ARHGAP17: variants seen among roughly 807,000 people sequenced by gnomAD.
The protein encoded by ARHGAP17 is rho GTPase-activating protein 17.
A neutral mutation model predicts 99.5 loss-of-function variants in ARHGAP17; 57 were observed. The ratio of observed to expected loss-of-function variants is 0.57; its 90% CI spans 0.46 to 0.71. The LOEUF (loss-of-function observed/expected upper bound fraction) is 0.71. Among genes scored for constraint, ARHGAP17 ranks in the 30% least tolerant of loss-of-function variants. The pLI, the probability that ARHGAP17 is intolerant of heterozygous loss-of-function variation, is 0.00. For missense variants in ARHGAP17, 1,000 were observed against 1,122.4 expected, an observed-to-expected ratio of 0.89 and a Z score of 1.56; for synonymous variants, 417 against 429.6, an observed-to-expected ratio of 0.97 and a Z score of 0.36.
intron 11 of ARHGAP17, 97 bp downstream of exon 11, chr16:24,952,834 G>T: frequency 8.7e-7 from 1 of 1,152,894 alleles, no homozygotes; most frequent in Non-Finnish European, 1.3e-6. Flanking sequence ...ACTTAAACCT[G>T]TAACTGAAAT....
chr16:24,924,480 C>T (rs1043706089), intron 19 of ARHGAP17, among the ~76,000 whole-genome samples: 2 of 147,750 alleles, frequency 1.4e-5, no homozygotes, highest in Non-Finnish European at 3.0e-5. Context: ...ACTGTATGAA[C>T]TTAGTTCCAA....
At chr16:24,970,706 T>C in intron 3 of ARHGAP17, 126 bp from the exon 4 acceptor site, 1 of 819,192 alleles carries the variant, frequency 1.2e-6, no homozygotes, top group Middle Eastern at 3.5e-4. Flanking sequence ...ACAGCCTGTC[T>C]GGGTTCAGGT....
chr16:24,974,885 G>T (rs971317838), intron 3 of ARHGAP17, among the ~76,000 whole-genome samples: 14 of 152,198 alleles, frequency 9.2e-5, no homozygotes, highest in African/African-American at 2.7e-4. Context: ...AGTAGCTCAT[G>T]CCTGTAATCC....
chr16:24,929,343 G>A (rs938940140), intron 19 of ARHGAP17, among the ~76,000 whole-genome samples: 2 of 152,076 alleles, frequency 1.3e-5, no homozygotes, highest in African/African-American at 2.4e-5. Context: ...TAAGAAAGAA[G>A]ATACTCTTCA....
chr16:24,965,222 G>A (rs1358245035), intron 6 of ARHGAP17, among the ~76,000 whole-genome samples: 5 of 152,138 alleles, frequency 3.3e-5, no homozygotes, highest in African/African-American at 9.7e-5. Context: ...TGTAATCCCA[G>A]CACTTTGGGA....
Position 25,015,205 on chromosome 16 carries a change from T to C in ARHGAP17, c.53+4A>G. Reference sequence around the variant, plus strand: ...GCGACCCCCGTGCTGCCCGGCGCACTCGCCTGCCCACGGTCTGGTTAGCCA... The same window carrying C: ...GCGACCCCCGTGCTGCCCGGCGCACCCGCCTGCCCACGGTCTGGTTAGCCA... On this transcript the variant is annotated splice_donor_region_variant and intron_variant, in intron 1 of 19. Transcript: ENST00000289968. The C allele has an allele frequency of 1.5e-6, 2 of 1,320,278 alleles. No homozygotes were observed. 81.8% of individuals were successfully genotyped at this position (1,320,278 alleles called of 1,614,324 possible). A position where few individuals can be genotyped will look rare whatever the true frequency, so the allele number is the denominator to read the frequency against.
intron 19 of ARHGAP17, among the ~76,000 whole-genome samples, chr16:24,923,169 G>C (rs928738657): frequency 2.0e-5 from 3 of 152,224 alleles, no homozygotes; most frequent in African/African-American, 7.2e-5. Context: ...ATCAAAGCCA[G>C]ATTGGTTGCA....
intron 17 of ARHGAP17, 27 bp downstream of exon 17, chr16:24,939,337 A>G (rs1377053668): frequency 6.4e-7 from 1 of 1,560,066 alleles, no homozygotes; most frequent in South Asian, 1.2e-5. Context: ...TCCAGCCTCC[A>G]CTGCCAGCAG....
At chr16:24,978,815 G>GA (rs58340349) in intron 2 of ARHGAP17, 151 bp downstream of exon 2, 266,250 of 631,260 alleles carry the variant, frequency 0.42, 59,239 homozygotes, top group African/African-American at 0.67. Flanking sequence ...CAACAAAACT[G>GA]TTTTCTTTCC....
intron 16 of ARHGAP17, among the ~76,000 whole-genome samples, chr16:24,940,472 C>T (rs563716028): frequency 2.0e-5 from 3 of 152,238 alleles, no homozygotes; most frequent in South Asian, 2.1e-4. Context: ...GTGGGAGGAT[C>T]GCTTTAGCTT....
At chr16:25,006,057 C>T (rs1348322876) in intron 1 of ARHGAP17, among the ~76,000 whole-genome samples, 2 of 151,982 alleles carry the variant, frequency 1.3e-5, no homozygotes, top group African/African-American at 2.4e-5. Context: ...GGTGACCGAC[C>T]ATGTCAAACA....
intron 16 of ARHGAP17, 136 bp from the exon 17 acceptor site, chr16:24,939,733 C>A: frequency 1.1e-6 from 1 of 922,290 alleles, no homozygotes; most frequent in Non-Finnish European, 1.7e-6. Flanking sequence ...GCGGCAAGGA[C>A]CAGACTAATG....
intron 18 of ARHGAP17, among the ~76,000 whole-genome samples, chr16:24,934,319 G>A (rs1305377832): frequency 1.3e-5 from 2 of 151,318 alleles, no homozygotes; most frequent in Non-Finnish European, 2.9e-5. Context: ...CAAGCACCAT[G>A]CCCGGCTAAT....
chr16:24,970,670 C>T, intron 3 of ARHGAP17, 90 bp from the exon 4 acceptor site: 1 of 1,258,828 alleles, frequency 7.9e-7, no homozygotes, highest in Non-Finnish European at 1.2e-6. Flanking sequence ...TAATTTCTCC[C>T]TCCAGGCAAA....
At chr16:24,949,061 T>G (rs2051555824) in intron 13 of ARHGAP17, 1 of 183,746 alleles carries the variant, frequency 5.4e-6, no homozygotes, top group Non-Finnish European at 1.1e-5. Context: ...AATGTACAAT[T>G]ATTGATTAAT....
chr16:24,942,289 G>C (rs547399772), intron 15 of ARHGAP17, 146 bp from the exon 16 acceptor site: 8 of 745,022 alleles, frequency 1.1e-5, no homozygotes, highest in South Asian at 1.9e-5. Flanking sequence ...CACTCACATC[G>C]CAAGAATGGT....
At chr16:24,956,775 G>A (rs1374098635) in intron 9 of ARHGAP17, 1 of 152,236 alleles carries the variant, frequency 6.6e-6, no homozygotes, top group Non-Finnish European at 1.5e-5. Context: ...GTTTTCACAT[G>A]ATGACAACCA....
intron 12 of ARHGAP17, among the ~76,000 whole-genome samples, chr16:24,950,843 A>AAAAAAAAG: frequency 6.6e-6 from 1 of 150,698 alleles, no homozygotes; most frequent in African/African-American, 2.5e-5. Context: ...ACTCAAAAAA[A>AAAAAAAAG]AAAAAAAAAA....
chr16:24,992,154 A>T (rs2053063133), intron 1 of ARHGAP17, among the ~76,000 whole-genome samples: 1 of 152,144 alleles, frequency 6.6e-6, no homozygotes, highest in Non-Finnish European at 1.5e-5. Context: ...GGCAACAGGG[A>T]GCCACTGATG....
Sources: gnomAD v4.1 joint callset for allele counts (sites outside exome capture counted in the v4.1 genomes callset) on GRCh38, gnomAD v4.1.1 for gene constraint, MANE v1.5 for transcripts, NCBI Gene and HGNC (gene_info 2026-07-23, HGNC 2026-07-21) for gene names.